SUSD5: variants seen among roughly 807,000 people sequenced by gnomAD.
SUSD5 encodes sushi domain containing 5, also known as sushi domain-containing protein 5.
Under a neutral mutation model 29.5 loss-of-function variants are expected in SUSD5, and 33 were observed. The ratio of observed to expected loss-of-function variants is 1.12; its 90% confidence interval spans 0.85 to 1.49. SUSD5 has a LOEUF of 1.49. SUSD5 is among the 40% of genes most tolerant of loss of function. The probability of loss-of-function intolerance (pLI) is 0.00; values close to 1 mark genes in which losing one functional copy is unlikely to be tolerated. For synonymous variants in SUSD5, 308 were observed against 325.3 expected (o/e 0.95, Z 0.57); for missense variants, 776 against 800.6 (o/e 0.97, Z 0.37).
At chr3:33,200,011 T>C (rs955811762) in intron 3 of SUSD5, among the ~76,000 whole-genome samples, 8 of 152,174 alleles carry the variant, frequency 5.3e-5, no homozygotes, top group African/African-American at 1.7e-4. Context: ...CTCCAGAACT[T>C]TGAGCCAATA....
At chr3:33,156,894 C>T (rs1421339254) in intron 4 of SUSD5, among the ~76,000 whole-genome samples, 1 of 152,196 alleles carries the variant, frequency 6.6e-6, no homozygotes, top group African/African-American at 2.4e-5. Flanking sequence ...TGTCCTCAGT[C>T]AGAAAAGGGA....
intron 3 of SUSD5, among the ~76,000 whole-genome samples, chr3:33,184,900 G>C (rs1335490759): frequency 1.3e-5 from 2 of 152,202 alleles, no homozygotes; most frequent in Admixed American, 6.5e-5. Flanking sequence ...CCCTATCTGA[G>C]TCTAGCTCTG....
intron 1 of SUSD5, 92 bp from the exon 2 acceptor site, chr3:33,214,197 T>C: frequency 7.7e-7 from 1 of 1,306,736 alleles, no homozygotes; most frequent in Non-Finnish European, 1.0e-6. Context: ...CAGTTAGAAC[T>C]GTAGTCCTTG....
intron 3 of SUSD5, among the ~76,000 whole-genome samples, chr3:33,175,719 G>A (rs1453715766): frequency 6.6e-6 from 1 of 151,948 alleles, no homozygotes; most frequent in Non-Finnish European, 1.5e-5. Flanking sequence ...CATCAAAGTT[G>A]AGCAGAAAGT....
intron 3 of SUSD5, among the ~76,000 whole-genome samples, chr3:33,182,366 C>T (rs991366530): frequency 6.6e-6 from 1 of 152,118 alleles, no homozygotes. Flanking sequence ...AGCAAATGTT[C>T]CATGTGAGCC....
At chr3:33,189,522 T>C (rs527492160) in intron 3 of SUSD5, among the ~76,000 whole-genome samples, 1 of 147,596 alleles carries the variant, frequency 6.8e-6, no homozygotes, top group South Asian at 2.2e-4. Context: ...TGAAATGATA[T>C]AATGTCCTGG....
intron 3 of SUSD5, among the ~76,000 whole-genome samples, chr3:33,189,220 C>T (rs2031841169): frequency 6.6e-6 from 1 of 152,178 alleles, no homozygotes; most frequent in Non-Finnish European, 1.5e-5. Flanking sequence ...TGGCTCACAC[C>T]TGTAATCCCA....
chr3:33,199,282 C>CA (rs2032060304), intron 3 of SUSD5, among the ~76,000 whole-genome samples: 1 of 149,762 alleles, frequency 6.7e-6, no homozygotes. Flanking sequence ...GTTGTTTTTT[C>CA]TTTTTTTTTG....
chr3:33,214,444 G>A (rs1182440879), intron 1 of SUSD5, among the ~76,000 whole-genome samples: 2 of 151,662 alleles, frequency 1.3e-5, no homozygotes, highest in Admixed American at 6.6e-5. Context: ...AGGCTTCCCT[G>A]AGTTAGGTCA....
chr3:33,205,203 T>C (rs1399175018), intron 3 of SUSD5, among the ~76,000 whole-genome samples: 1 of 152,202 alleles, frequency 6.6e-6, no homozygotes, highest in African/African-American at 2.4e-5. Flanking sequence ...TACAATACTA[T>C]TATTTAATTC....
chr3:33,175,854 A>G (rs914191624), intron 3 of SUSD5, among the ~76,000 whole-genome samples: 1 of 152,132 alleles, frequency 6.6e-6, no homozygotes, highest in Non-Finnish European at 1.5e-5. Context: ...ATTATCACCC[A>G]AAGTCCATAA....
At position 33,195,683 on chromosome 3, in the gene SUSD5, T is replaced by C. The variant is rs548501248; in HGVS notation, c.409+12125A>G. Among the ~76,000 whole-genome samples the C allele has an allele frequency of 8.9e-4, 135 of 151,424 alleles. 1 individual carries two copies. Among genetic ancestry groups the C allele is most frequent in the Middle Eastern group, 3.4e-3 (1 of 292 alleles). ...AGTACATTCATATAATGGATTATTATAGCCATTCTTTGAAGCATATTCAAT... is the reference window on the plus strand; with the variant it reads ...AGTACATTCATATAATGGATTATTACAGCCATTCTTTGAAGCATATTCAAT... On this transcript the variant is annotated intron_variant, in intron 3 of 4. Transcript: ENST00000309558.
rs956596666 is a variant in SUSD5, at chr3:33,150,341, C to T, written c.*2401G>A. Reference sequence around the variant, plus strand: ...ATAATTTGTAATAAATTTATTAATACACTGTATTAATAATTTGTAATAAAT... The same window carrying T: ...ATAATTTGTAATAAATTTATTAATATACTGTATTAATAATTTGTAATAAAT... On this transcript the variant is annotated 3_prime_UTR_variant, in exon 5 of 5. Transcript: ENST00000309558. 2 of 152,048 alleles carry T rather than the reference C, an allele frequency of 1.3e-5. No individual in the cohort carries two copies. The highest frequency in any genetic ancestry group is 4.8e-5 in the African/African-American group (2 of 41,412). 9.4% of individuals were successfully genotyped at this position (152,048 alleles called of 1,614,324 possible). A position where few individuals can be genotyped will look rare whatever the true frequency, so the allele number is the denominator to read the frequency against.
At chr3:33,205,754 T>C (rs907057106) in intron 3 of SUSD5, among the ~76,000 whole-genome samples, 6 of 152,210 alleles carry the variant, frequency 3.9e-5, no homozygotes, top group African/African-American at 1.4e-4. Flanking sequence ...AGCCAACTCC[T>C]AGAAGCAAGG....
chr3:33,154,121 G>A (rs1462727362), intron 4 of SUSD5, 88 bp from the exon 5 acceptor site: 1 of 1,098,966 alleles, frequency 9.1e-7, no homozygotes, highest in African/African-American at 1.6e-5. Flanking sequence ...AAGCATAAAG[G>A]CTGGGACAGA....
At chr3:33,202,719 C>T (rs952395934) in intron 3 of SUSD5, among the ~76,000 whole-genome samples, 1 of 152,178 alleles carries the variant, frequency 6.6e-6, no homozygotes, top group Non-Finnish European at 1.5e-5. Context: ...CATCAGAATC[C>T]AGTTGGTTAA....
chr3:33,208,896 C>T (rs529662207), intron 2 of SUSD5, among the ~76,000 whole-genome samples: 59 of 152,084 alleles, frequency 3.9e-4, no homozygotes, highest in African/African-American at 1.2e-3. Context: ...TCAATTGGTC[C>T]ACATATTTAC....
chr3:33,165,946 T>C (rs188060148), intron 4 of SUSD5, among the ~76,000 whole-genome samples: 34 of 148,792 alleles, frequency 2.3e-4, no homozygotes, highest in African/African-American at 7.9e-4. Flanking sequence ...AGTTCAAGAC[T>C]AGCCTGGACA....
chr3:33,169,960 C>G (rs996723893), intron 4 of SUSD5, among the ~76,000 whole-genome samples: 1 of 152,122 alleles, frequency 6.6e-6, no homozygotes, highest in African/African-American at 2.4e-5. Flanking sequence ...CTCTATCACC[C>G]AGGCTGCAGT....
Sources: gnomAD v4.1 joint callset for allele counts (sites outside exome capture counted in the v4.1 genomes callset) on GRCh38, gnomAD v4.1.1 for gene constraint, MANE v1.5 for transcripts, NCBI Gene and HGNC (gene_info 2026-07-23, HGNC 2026-07-21) for gene names.